KRT9: variants seen among roughly 807,000 people sequenced by gnomAD.
The protein encoded by KRT9 is keratin 9.
Under a neutral mutation model 51.4 loss-of-function variants are expected in KRT9, and 34 were observed. The ratio of observed to expected loss-of-function variants is 0.66; its 90% CI spans 0.50 to 0.88. The LOEUF (loss-of-function observed/expected upper bound fraction) is 0.88, where lower values mean the gene tolerates loss of function less well. KRT9 is among the 40% of genes least tolerant of loss of function. KRT9 has a pLI of 0.00. For synonymous variants in KRT9, 292 were observed against 289.7 expected, an observed-to-expected ratio of 1.01 and a Z score of -0.08; for missense variants, 753 against 790.3, an observed-to-expected ratio of 0.95 and a Z score of 0.57.
In KRT9 at chr17:41,571,700, C is replaced by T. The variant is rs914181565; in HGVS notation, c.293G>A (p.Gly98Asp). The T allele has an allele frequency of 5.0e-6, 8 of 1,608,732 alleles. No homozygotes were observed. The highest frequency in any genetic ancestry group is 6.8e-6 in the Non-Finnish European group (8 of 1,177,660). The change falls in exon 1 of 8, where the codon GGT (glycine) becomes GAT (aspartate). Residue 98 changes from glycine to aspartate, a missense_variant. Gly to Asp is a moderately conservative substitution (Grantham distance 94). Around this residue, in one of 3 missense-constraint regions of KRT9, gnomAD observed 241 missense variants for 210.3 expected, o/e 1.15. Transcript: ENST00000246662. Reference sequence around the variant, plus strand: ...ACTATAGCCTCCTCCAGAAGCACCACCAAAACCTCTGGAACCACCCCCAAA... The same window carrying T: ...ACTATAGCCTCCTCCAGAAGCACCATCAAAACCTCTGGAACCACCCCCAAA... Reference protein sequence around the residue: ...GGFGGGSRGFGGASGGGYSSS... With the variant: ...GGFGGGSRGFDGASGGGYSSS...
chr17:41,568,773 A>G, intron 4 of KRT9, 140 bp from the exon 5 acceptor site: 1 of 1,140,654 alleles, frequency 8.8e-7, no homozygotes, highest in Admixed American at 1.7e-5. Flanking sequence ...AGTTCTGGGT[A>G]CCCTCCAGCC....
chr17:41,567,152 C>G, intron 7 of KRT9, 81 bp downstream of exon 7: 3 of 1,578,282 alleles, frequency 1.9e-6, no homozygotes, highest in Non-Finnish European at 2.6e-6. Context: ...AATCTGTGTT[C>G]CCCAGAGATT....
chr17:41,571,677 T>C lies in KRT9; in HGVS notation c.316A>G (p.Ser106Gly). ...GFGGASGGGY[S>G]SSGGFGGGFG... is the part of the protein sequence containing the mutation. ...CCACCTCCAAAACCCCCAGAACTAC[T>C]ATAGCCTCCTCCAGAAGCACCACCA... is the stretch of plus-strand genomic sequence containing the variant. The change falls in exon 1 of 8, where the codon AGT becomes GGT. Residue 106 changes from serine to glycine, a missense_variant. Around this residue, in one of 3 missense-constraint regions of KRT9, gnomAD observed 241 missense variants for 210.3 expected, o/e 1.15. Transcript: ENST00000246662. The C allele has an allele frequency of 1.2e-6, 2 of 1,600,990 alleles. No homozygotes were observed. Among genetic ancestry groups the C allele is most frequent in the Non-Finnish European group, 1.7e-6 (2 of 1,174,920 alleles).
rs1907109438 is a variant in KRT9, at chr17:41,572,026, T to G, written c.-34A>C. ...TGGTAGCTCACGGGTTGAGAAGCAG[T>G]GATAGGAGTGCTACCGGCTCCCAAG... On this transcript the variant is annotated 5_prime_UTR_variant, in exon 1 of 8. Transcript: ENST00000246662. 3 of 1,550,032 alleles carry G rather than the reference T, an allele frequency of 1.9e-6. No homozygotes were observed. The East Asian group carries it at 7.0e-5, about 36-fold the overall frequency.
chr17:41,569,806 C>G, intron 3 of KRT9, 53 bp downstream of exon 3: 1 of 1,608,904 alleles, frequency 6.2e-7, no homozygotes, highest in East Asian at 2.2e-5. Flanking sequence ...CCTGCTGTCT[C>G]TGCATTTCTG....
rs1907087377 is a variant in KRT9 at position 41,571,647 on chromosome 17, C to A, written c.346G>T (p.Gly116Cys). 1.2e-6 allele frequency: 2 copies of A among 1,604,856 alleles called. No individual in the cohort carries two copies. ...SSSGGFGGGF[G>C]GGSGGGFGGG... ...CCAAAGCCACCTCCAGAACCACCAC[C>A]AAAGCCACCTCCAAAACCCCCAGAA... The change falls in exon 1 of 8, where the codon GGT becomes TGT. Residue 116 changes from glycine (G) to cysteine (C), a missense_variant. This residue lies in a region of KRT9 where 241 missense variants were observed against 210.3 expected (regional missense o/e 1.15). Coordinates refer to ENST00000246662, the MANE Select transcript of KRT9 (RefSeq NM_000226.4).
chr17:41,568,898 CACCTTTCAA>C (rs1906973548), intron 4 of KRT9, among the ~76,000 whole-genome samples: 2 of 146,132 alleles, frequency 1.4e-5, no homozygotes, highest in Non-Finnish European at 3.0e-5. Context: ...AAACTTCCCC[CACCTTTCAA>C]ACATACACAC....
Position 41,569,486 on chromosome 17 carries a change from C to T in KRT9, c.984G>A (p.Gln328=). 1 of 1,614,176 alleles carries T rather than the reference C, an allele frequency of 6.2e-7. No homozygotes were observed. The change falls in exon 4 of 8, where the codon CAG becomes CAA. Residue 328 remains glutamine, a synonymous_variant. Transcript: ENST00000246662. ...TCTTAGCAATGAGCTGCTCATACTC[C>T]TGACGCATGTCATTGAGGGTCTTGG... is the stretch of plus-strand genomic sequence containing the variant. The part of the protein sequence containing the change: ...DLTKTLNDMR[Q]EYEQLIAKNR...
At chr17:41,567,102 C>T (rs1161900831) in intron 7 of KRT9, 131 bp downstream of exon 7, 15 of 1,453,758 alleles carry the variant, frequency 1.0e-5, no homozygotes, top group Non-Finnish European at 1.4e-5. Flanking sequence ...AGGTCTCTGA[C>T]ACCTCACTAG....
rs116810035 is a variant in KRT9, at chr17:41,568,003, A to C, written c.1394+159T>G. ...CACCATCCTCCTTTCCCAAAGCCCAAATGCACTGAGGTCCCCCCGGCCCCC... is the reference window on the plus strand; with the variant it reads ...CACCATCCTCCTTTCCCAAAGCCCACATGCACTGAGGTCCCCCCGGCCCCC... On this transcript the variant is annotated intron_variant, in intron 6 of 7. Transcript: ENST00000246662. Among the ~76,000 whole-genome samples, 1,034 of 152,018 alleles carry C rather than the reference A, an allele frequency of 6.8e-3. 11 individuals are homozygous for C. Among genetic ancestry groups the C allele is most frequent in the African/African-American group, 0.024 (993 of 41,476 alleles).
chr17:41,567,543 A>G lies in KRT9; in HGVS notation c.1602T>C (p.Tyr534=), dbSNP rs1447333748. The G allele has an allele frequency of 1.3e-6, 2 of 1,540,660 alleles. No individual in the cohort carries two copies. The highest frequency in any genetic ancestry group is 1.5e-5 in the African/African-American group (1 of 68,518). The change falls in exon 7 of 8, where the codon TAT becomes TAC. Residue 534 remains tyrosine (Y), a synonymous_variant. Coordinates refer to ENST00000246662, the MANE Select transcript of KRT9 (RefSeq NM_000226.4). ...SGSGGGSGGG[Y]GGGSGGGHSG... Reference sequence around the variant, plus strand: ...TATGGCCACCTCCACTTCCTCCACCATAGCCACCTCCACTACCTCCTCCAG... The same window carrying G: ...TATGGCCACCTCCACTTCCTCCACCGTAGCCACCTCCACTACCTCCTCCAG...
rs553211684 is a variant in KRT9 at position 41,569,427 on chromosome 17, T to A, written c.1043A>T (p.Gln348Leu). ...GAATGGGCAGCCCACTCTGCTCACC[T>A]GAGTCTCATATTGATTCTCGATGTC... is the stretch of plus-strand genomic sequence containing the variant. ...RKDIENQYET[Q>L]ITQIEHEVSS... The change falls in exon 4 of 8, where the codon CAG becomes CTG. Residue 348 changes from glutamine (Q) to leucine (L), a missense_variant and splice_region_variant. Gln to Leu is a moderately radical substitution (Grantham distance 113). This residue lies in a region of KRT9 where 507 missense variants were observed against 563.7 expected (regional missense o/e 0.90). Transcript: ENST00000246662. 1 of 1,613,906 alleles carries A rather than the reference T, an allele frequency of 6.2e-7. No homozygotes were observed. Among genetic ancestry groups the A allele is most frequent in the East Asian group, 2.2e-5 (1 of 44,880 alleles).
chr17:41,570,333 G>A, intron 1 of KRT9, 113 bp from the exon 2 acceptor site: 1 of 907,988 alleles, frequency 1.1e-6, no homozygotes, highest in Non-Finnish European at 1.8e-6. Flanking sequence ...ATTCTCAAGA[G>A]GAATGAGGAA....
chr17:41,567,625 C>A lies in KRT9; in HGVS notation c.1520G>T (p.Gly507Val), dbSNP rs149321431. ...TCCTCCCCTGGACCCACTTCCTCCA[C>A]CATAGCCACCTCCACTTCCTCCTCC... The part of the protein sequence containing the change: ...YGGGGSGGGY[G>V]GGSGSRGGSG... Residue 507 changes from glycine to valine, a missense_variant, in exon 7 of 8, where the codon GGT (glycine) becomes GTT (valine). Around this residue, in one of 3 missense-constraint regions of KRT9, gnomAD observed 507 missense variants for 563.7 expected, o/e 0.90. Coordinates refer to ENST00000246662, the MANE Select transcript of KRT9 (RefSeq NM_000226.4). 2.1e-4 allele frequency: 331 copies of A among 1,581,504 alleles called. No individual in the cohort carries two copies. The highest frequency in any genetic ancestry group is 2.8e-4 in the Non-Finnish European group (323 of 1,164,098).
In KRT9 at chr17:41,569,516, A is replaced by T; in HGVS notation, c.954T>A (p.Asp318Glu). The change falls in exon 4 of 8, where the codon GAT becomes GAA. Residue 318 changes from aspartate to glutamate, a missense_variant. Asp to Glu is a conservative substitution (Grantham distance 45, BLOSUM62 2). Transcript: ENST00000246662. ...GCATGTCATTGAGGGTCTTGGTGAG[A>T]TCTTTGCCAGGAGCAACGTTTATCT... is the stretch of plus-strand genomic sequence containing the variant. The part of the protein sequence containing the change: ...NVEINVAPGK[D>E]LTKTLNDMRQ... 1 of 1,614,182 alleles carries T rather than the reference A, an allele frequency of 6.2e-7. No homozygotes were observed. Among genetic ancestry groups the T allele is most frequent in the Non-Finnish European group, 8.5e-7 (1 of 1,180,030 alleles).
chr17:41,566,215 T>A (rs973594844), intron 7 of KRT9, 63 bp from the exon 8 acceptor site: 1 of 152,810 alleles, frequency 6.5e-6, no homozygotes, highest in Non-Finnish European at 1.5e-5. Context: ...AGCAGAGAGG[T>A]TGGGACTTGG....
chr17:41,566,404 C>T (rs185924431), intron 7 of KRT9, among the ~76,000 whole-genome samples: 9 of 152,190 alleles, frequency 5.9e-5, no homozygotes, highest in African/African-American at 1.7e-4. Flanking sequence ...TGAGGCAGCC[C>T]CCTCCATTCA....
intron 1 of KRT9, 120 bp downstream of exon 1, chr17:41,571,231 A>G: frequency 1.0e-6 from 1 of 983,078 alleles, no homozygotes; most frequent in Non-Finnish European, 1.6e-6. Context: ...GAAAGCGTAC[A>G]TTTCCAAAAG....
chr17:41,570,246 A>T (rs773162437), intron 1 of KRT9, 26 bp from the exon 2 acceptor site: 2 of 1,600,614 alleles, frequency 1.2e-6, no homozygotes, highest in Non-Finnish European at 1.7e-6. Context: ...CACAGCCATG[A>T]TATCATGCTG....
Sources: gnomAD v4.1 joint callset for allele counts (sites outside exome capture counted in the v4.1 genomes callset) on GRCh38, gnomAD v4.1.1 for gene constraint, gnomAD v4.1.1 regional missense constraint, MANE v1.5 for transcripts, NCBI Gene and HGNC (gene_info 2026-07-23, HGNC 2026-07-21) for gene names.